The following USP42 variants were observed in gnomAD, a reference collection of about 807,000 sequenced individuals.
USP42 encodes ubiquitin specific peptidase 42.
Under a neutral mutation model 113.0 loss-of-function variants are expected in USP42, and 23 were observed. The ratio of observed to expected loss-of-function variants is 0.20; its 90% CI spans 0.15 to 0.29. USP42 has a LOEUF of 0.29. Ranked by LOEUF, USP42 falls within the 10% of genes least tolerant of loss-of-function variation. The pLI, the probability that USP42 is intolerant of heterozygous loss-of-function variation, is 1.00. For synonymous variants in USP42, 933 were observed against 699.0 expected (o/e 1.33, Z -5.28); for missense variants, 2,174 against 1,779.8 (o/e 1.22, Z -3.99).
chr7:6,142,557 T>A (rs1244333652), intron 7 of USP42, among the ~76,000 whole-genome samples: 1 of 152,204 alleles, frequency 6.6e-6, no homozygotes, highest in Non-Finnish European at 1.5e-5. Flanking sequence ...TTTGCTGTTA[T>A]ATCTTTGAGT....
intron 6 of USP42, among the ~76,000 whole-genome samples, chr7:6,140,428 T>C (rs1213384304): frequency 2.0e-5 from 3 of 152,226 alleles, no homozygotes; most frequent in Non-Finnish European, 4.4e-5. Context: ...TCCATTTGTC[T>C]CTTCGTATTA....
intron 3 of USP42, among the ~76,000 whole-genome samples, chr7:6,134,258 T>G (rs1335824148): frequency 6.6e-6 from 1 of 152,196 alleles, no homozygotes; most frequent in Non-Finnish European, 1.5e-5. Context: ...ATTTGTAATA[T>G]CCTTTTTAAA....
chr7:6,114,524 T>G (rs1001743900), intron 2 of USP42, among the ~76,000 whole-genome samples: 1 of 151,076 alleles, frequency 6.6e-6, no homozygotes, highest in Non-Finnish European at 1.5e-5. Flanking sequence ...TCTAAAGAGT[T>G]TTTTCTAAAA....
At chr7:6,152,106 T>A (rs1321108179) in intron 14 of USP42, among the ~76,000 whole-genome samples, 1 of 152,198 alleles carries the variant, frequency 6.6e-6, no homozygotes, top group African/African-American at 2.4e-5. Context: ...AGGGAATTTG[T>A]CATGCAGCGT....
At chr7:6,104,372 C>T (rs1431884599), upstream of USP42, among the ~76,000 whole-genome samples, 1 of 152,202 alleles carries the variant, frequency 6.6e-6, no homozygotes, top group African/African-American at 2.4e-5. Context: ...TGAGCCACCG[C>T]GCCCGGCCCA....
At chr7:6,096,137 A>G in the USP42 span, among the ~76,000 whole-genome samples, 1 of 150,956 alleles carries the variant, frequency 6.6e-6, no homozygotes, top group Admixed American at 6.6e-5. Context: ...CCACTGAGAC[A>G]GCTAACCTCA....
At chr7:6,140,266 G>C in intron 6 of USP42, 71 bp downstream of exon 6, 1 of 1,371,588 alleles carries the variant, frequency 7.3e-7, no homozygotes, top group East Asian at 2.3e-5. Context: ...GTAGGACAGG[G>C]TTAGTCCTAC....
At chr7:6,110,680 A>T (rs550923884) in intron 1 of USP42, among the ~76,000 whole-genome samples, 2 of 152,314 alleles carry the variant, frequency 1.3e-5, no homozygotes, top group East Asian at 3.9e-4. Context: ...TTTTCTGTGT[A>T]GTTGATGCTT....
At chr7:6,082,500 C>G in the USP42 span, among the ~76,000 whole-genome samples, 1 of 150,088 alleles carries the variant, frequency 6.7e-6, no homozygotes. Flanking sequence ...CACTTGTAAT[C>G]TCAGCAGTTC....
chr7:6,121,908 C>T (rs758985742), intron 3 of USP42, among the ~76,000 whole-genome samples: 6 of 152,136 alleles, frequency 3.9e-5, no homozygotes, highest in South Asian at 2.1e-4. Flanking sequence ...TGATCCTCCC[C>T]GCTTGGCCTC....
At chr7:6,132,262 C>G (rs1323236338) in intron 3 of USP42, among the ~76,000 whole-genome samples, 1 of 152,228 alleles carries the variant, frequency 6.6e-6, no homozygotes, top group Non-Finnish European at 1.5e-5. Context: ...TATTATTCCA[C>G]TGTCTTCTGG....
At chr7:6,086,147 T>C in the USP42 span, among the ~76,000 whole-genome samples, 1 of 149,870 alleles carries the variant, frequency 6.7e-6, no homozygotes, top group Non-Finnish European at 1.5e-5. Context: ...GCAATTCTCC[T>C]GCCTCAGCCT....
intron 15 of USP42, among the ~76,000 whole-genome samples, chr7:6,155,594 A>G (rs1245575886): frequency 6.6e-6 from 1 of 151,994 alleles, no homozygotes; most frequent in Non-Finnish European, 1.5e-5. Context: ...TATCTGTTAT[A>G]TTTTCCTGAA....
chr7:6,109,207 G>T (rs1779456567), intron 1 of USP42, among the ~76,000 whole-genome samples: 1 of 152,058 alleles, frequency 6.6e-6, no homozygotes, highest in African/African-American at 2.4e-5. Context: ...TCGGAGAAAA[G>T]AACAGCATGT....
chr7:6,144,446 CTTGT>C lies in USP42; in HGVS notation c.990+261_990+264del, dbSNP rs774480740. On this transcript the variant is annotated intron_variant, in intron 9 of 17. Transcript: ENST00000306177. ...CAGTTTTCACCAAAGTTCATTTTGT[CTTGT>C]TTGTTTGTTTTCTGATTGGTAGTAC... 3.2e-4 allele frequency among the ~76,000 whole-genome samples: 48 copies of C among 152,244 alleles called. No individual in the cohort carries two copies. The South Asian group carries it at 7.5e-3, about 24-fold the overall frequency.
chr7:6,137,956 G>C (rs1781235621), intron 4 of USP42, among the ~76,000 whole-genome samples: 1 of 152,182 alleles, frequency 6.6e-6, no homozygotes. Flanking sequence ...TGGAATTACA[G>C]GTGTGAGCCA....
chr7:6,137,704 G>T (rs944320605), intron 4 of USP42, among the ~76,000 whole-genome samples: 5 of 151,904 alleles, frequency 3.3e-5, no homozygotes, highest in Non-Finnish European at 5.9e-5. Context: ...TTTTGAGATG[G>T]AGTCTCACTC....
At chr7:6,113,137 C>T (rs1336990599) in intron 2 of USP42, among the ~76,000 whole-genome samples, 6 of 151,780 alleles carry the variant, frequency 4.0e-5, no homozygotes, top group African/African-American at 1.5e-4. Flanking sequence ...ACTTATAATC[C>T]ACCCGCCTCG....
rs1265197611 is a variant in USP42, at chr7:6,160,543, CTT to C, written c.*37-11_*37-10del. ...CCTCCAACTCACTAACCCTGCGCCT[CTT>C]GTCTTTCAGATTCAACGCGTTCAAC... On this transcript the variant is annotated splice_polypyrimidine_tract_variant and intron_variant, in intron 17 of 17. Coordinates refer to ENST00000306177, the MANE Select transcript of USP42 (RefSeq NM_032172.3). The C allele has an allele frequency of 2.0e-5, 3 of 152,716 alleles. No individual in the cohort carries two copies. Among genetic ancestry groups the C allele is most frequent in the African/African-American group, 7.2e-5 (3 of 41,468 alleles). 9.5% of individuals were successfully genotyped at this position (152,716 alleles called of 1,614,324 possible). A position where few individuals can be genotyped will look rare whatever the true frequency, so the allele number is the denominator to read the frequency against.
Sources: gnomAD v4.1 joint callset for allele counts (sites outside exome capture counted in the v4.1 genomes callset) on GRCh38, gnomAD v4.1.1 for gene constraint, MANE v1.5 for transcripts, NCBI Gene and HGNC (gene_info 2026-07-23, HGNC 2026-07-21) for gene names.